LDLRAP1: variants seen among roughly 807,000 people sequenced by gnomAD.
LDLRAP1 encodes low density lipoprotein receptor adaptor protein 1, also known as low density lipoprotein receptor adapter protein 1.
Under a neutral mutation model 37.8 loss-of-function variants are expected in LDLRAP1, and 30 were observed. That is an observed-to-expected ratio of 0.79 (90% confidence interval 0.59 to 1.08). The LOEUF (loss-of-function observed/expected upper bound fraction) is 1.08. Among genes scored for constraint, LDLRAP1 ranks in the 50% least tolerant of loss-of-function variants. The pLI is 0.00. For missense variants in LDLRAP1, 375 were observed against 401.6 expected, an observed-to-expected ratio of 0.93 and a Z score of 0.57; for synonymous variants, 156 against 169.8, an observed-to-expected ratio of 0.92 and a Z score of 0.63.
In LDLRAP1 at chr1:25,563,094, G is replaced by A; in HGVS notation, c.557G>A (p.Ser186Asn). ...KEEKEKRDKA[S>N]QEGGDVLGAR... ...GAGAAAGAGAAGAGGGACAAAGCCA[G>A]CCAAGAGGGAGGGGACGTCCTGGGG... The change falls in exon 6 of 9, where the codon AGC becomes AAC. Residue 186 changes from serine (S) to asparagine (N), a missense_variant. Ser to Asn is a conservative substitution (Grantham distance 46). Coordinates refer to ENST00000374338, the MANE Select transcript of LDLRAP1 (RefSeq NM_015627.3). 1 of 1,614,128 alleles carries A rather than the reference G, an allele frequency of 6.2e-7. No homozygotes were observed. Among genetic ancestry groups the A allele is most frequent in the Non-Finnish European group, 8.5e-7 (1 of 1,180,014 alleles).
In LDLRAP1 at chr1:25,562,681, A is replaced by C. The variant is rs377680535; in HGVS notation, c.497A>C (p.Lys166Thr). The change falls in exon 5 of 9, where the codon AAA (lysine) becomes ACA (threonine). Residue 166 changes from lysine to threonine, a missense_variant. Physicochemically the swap from Lys to Thr is moderately conservative, Grantham distance 78 (BLOSUM62 -1). Coordinates refer to ENST00000374338, the MANE Select transcript of LDLRAP1 (RefSeq NM_015627.3). ...AVTLTVAQAF[K>T]VAFEFWQVSK... ...ACCCTCACCGTAGCCCAGGCCTTCA[A>C]AGTCGCCTTTGAGTTTTGGCAGGTG... 1 of 1,614,160 alleles carries C rather than the reference A, an allele frequency of 6.2e-7. No individual in the cohort carries two copies. The highest frequency in any genetic ancestry group is 8.5e-7 in the Non-Finnish European group (1 of 1,180,010).
chr1:25,544,890 A>G lies in LDLRAP1; in HGVS notation c.88+1104A>G, dbSNP rs2043895905. Among the ~76,000 whole-genome samples, 1 of 152,316 alleles carries G rather than the reference A, an allele frequency of 6.6e-6. No homozygotes were observed. Among genetic ancestry groups the G allele is most frequent in the East Asian group, 1.9e-4 (1 of 5,172 alleles). On this transcript the variant is annotated intron_variant, in intron 1 of 8. Coordinates refer to ENST00000374338, the MANE Select transcript of LDLRAP1 (RefSeq NM_015627.3). This position sits in a 1 kb window ranked among gnomAD's most constrained non-coding sequence, Gnocchi z 4.8. ...CCTCTTGGCCTTACAGGGCTCTGCC[A>G]GGGGAGCCCGAGCTCCCTGGTCCAA...
chr1:25,576,187 G>A, the LDLRAP1 span, among the ~76,000 whole-genome samples: 4 of 152,082 alleles, frequency 2.6e-5, no homozygotes, highest in East Asian at 1.9e-4. Context: ...AGCCAAGATC[G>A]TGCCACTGCA....
In LDLRAP1 at chr1:25,557,107, C is replaced by T. The variant is rs767263209; in HGVS notation, c.345-46C>T. On this transcript the variant is annotated intron_variant, in intron 3 of 8. Coordinates refer to ENST00000374338, the MANE Select transcript of LDLRAP1 (RefSeq NM_015627.3). The stretch of plus-strand genomic sequence containing the variant: ...CCCTGCAGGGCTTCCCACATGTGCT[C>T]AGGCCCCTGTGCCAGGTCTGGTGAT... The T allele has an allele frequency of 1.5e-5, 22 of 1,426,854 alleles. No individual in the cohort carries two copies. In the Admixed American group the frequency reaches 2.2e-4, roughly 14 times the overall value. The allele number at this position is 1,426,854 out of a possible 1,614,324, so 88.4% of individuals were successfully genotyped here. A position where few individuals can be genotyped will look rare whatever the true frequency, so the allele number is the denominator to read the frequency against.
At position 25,567,241 on chromosome 1, in the gene LDLRAP1, C is replaced by T; in HGVS notation, c.*249C>T. Reference sequence around the variant, plus strand: ...TTCTGGCTTATGCTCAGAAGCCAGTCTGCGTCAGGCACGTCTCCTGCTGCG... The same window carrying T: ...TTCTGGCTTATGCTCAGAAGCCAGTTTGCGTCAGGCACGTCTCCTGCTGCG... On this transcript the variant is annotated 3_prime_UTR_variant, in exon 9 of 9. Transcript: ENST00000374338. The T allele has an allele frequency of 1.8e-6, 1 of 561,248 alleles. No individual in the cohort carries two copies. The highest frequency in any genetic ancestry group is 3.2e-6 in the Non-Finnish European group (1 of 310,204). The allele number at this position is 561,248 out of a possible 1,614,324, so 34.8% of individuals were successfully genotyped here. A position where few individuals can be genotyped will look rare whatever the true frequency, so the allele number is the denominator to read the frequency against.
the LDLRAP1 span, chr1:25,590,227 C>T: frequency 1.3e-5 from 2 of 152,360 alleles, no homozygotes; most frequent in African/African-American, 4.8e-5. Flanking sequence ...GGAAGAGTCT[C>T]GAAGAATCCT....
downstream of LDLRAP1, among the ~76,000 whole-genome samples, chr1:25,569,713 G>A (rs1333297678): frequency 6.6e-6 from 1 of 152,246 alleles, no homozygotes; most frequent in Non-Finnish European, 1.5e-5. Flanking sequence ...CTTACTATGT[G>A]CCGGGTGTTG....
At chr1:25,565,131 C>T (rs2044442424) in intron 7 of LDLRAP1, 42 bp from the exon 8 acceptor site, 1 of 1,609,298 alleles carries the variant, frequency 6.2e-7, no homozygotes, top group African/African-American at 1.3e-5. Flanking sequence ...AGCATGGGCT[C>T]CCCCAAACAT....
chr1:25,546,301 C>T (rs745504738), intron 1 of LDLRAP1, among the ~76,000 whole-genome samples: 4 of 152,202 alleles, frequency 2.6e-5, no homozygotes, highest in Non-Finnish European at 4.4e-5. Flanking sequence ...ACCTGCTCCT[C>T]CTCCTCAAGG....
chr1:25,564,995 G>T, intron 7 of LDLRAP1, 178 bp from the exon 8 acceptor site: 1 of 684,026 alleles, frequency 1.5e-6, no homozygotes, highest in East Asian at 2.6e-5. Flanking sequence ...TTGGGTCCTT[G>T]GGCTGAGATG....
chr1:25,548,297 C>G (rs914633626), intron 1 of LDLRAP1, among the ~76,000 whole-genome samples: 1 of 146,604 alleles, frequency 6.8e-6, no homozygotes, highest in Non-Finnish European at 1.5e-5. Flanking sequence ...CGGGTGTGAA[C>G]TCAGTTCATC....
In LDLRAP1 at chr1:25,562,662, A is replaced by T; in HGVS notation, c.478A>T (p.Thr160Ser). The T allele has an allele frequency of 6.2e-7, 1 of 1,613,964 alleles. No individual in the cohort carries two copies. The change falls in exon 5 of 9, where the codon ACC becomes TCC. Residue 160 changes from threonine (T) to serine (S), a missense_variant. Transcript: ENST00000374338. ...KRKMAQAVTL[T>S]VAQAFKVAFE... ...TTTTCAGGCACAGGCTGTTACCCTC[A>T]CCGTAGCCCAGGCCTTCAAAGTCGC...
chr1:25,579,673 A>G, the LDLRAP1 span, among the ~76,000 whole-genome samples: 1 of 152,176 alleles, frequency 6.6e-6, no homozygotes, highest in Admixed American at 6.5e-5. Flanking sequence ...CCATCTCTGA[A>G]ATCTTCGTGC....
intron 7 of LDLRAP1, chr1:25,564,105 C>T (rs556082668): frequency 5.0e-5 from 20 of 398,364 alleles, no homozygotes; most frequent in South Asian, 1.9e-4. Context: ...TGGCAGAGCT[C>T]GCTCCTACCA....
At chr1:25,574,599 G>T in the LDLRAP1 span, among the ~76,000 whole-genome samples, 5 of 152,082 alleles carry the variant, frequency 3.3e-5, no homozygotes, top group Non-Finnish European at 7.3e-5. Flanking sequence ...GCCTCTGGCA[G>T]TAGCCTGAGT....
chr1:25,557,522 G>C (rs2044236393), intron 4 of LDLRAP1: 1 of 558,176 alleles, frequency 1.8e-6, no homozygotes, highest in Non-Finnish European at 3.2e-6. Flanking sequence ...GTCTGGGCCT[G>C]TTCTCTCTGT....
At position 25,555,154 on chromosome 1, in the gene LDLRAP1, C is replaced by T. The variant is rs2044170504; in HGVS notation, c.344+182C>T. Among the ~76,000 whole-genome samples the T allele has an allele frequency of 6.6e-6, 1 of 152,196 alleles. No homozygotes were observed. Among genetic ancestry groups the T allele is most frequent in the Admixed American group, 6.5e-5 (1 of 15,286 alleles). On this transcript the variant is annotated intron_variant, in intron 3 of 8. Transcript: ENST00000374338. The surrounding 1 kb of genome is among the most constrained non-coding windows in gnomAD (Gnocchi z 4.7). ...CAGCGCTGTTAGGAAACGTGGAGTG[C>T]ACGGCACCTGGCTCATGATGAGCAT...
At position 25,557,330 on chromosome 1, in the gene LDLRAP1, G is replaced by A. The variant is rs1490814793; in HGVS notation, c.459+63G>A. ...GGCCTTGGCAGCCTTGCTCTGGGTG[G>A]GGGGCTGTCTGGTGTGGGAGGCAGG... On this transcript the variant is annotated intron_variant, in intron 4 of 8. Transcript: ENST00000374338. 13 of 1,322,594 alleles carry A rather than the reference G, an allele frequency of 9.8e-6. No homozygotes were observed. The East Asian group carries it at 1.9e-4, about 19-fold the overall frequency. The allele number at this position is 1,322,594 out of a possible 1,614,324, so 81.9% of individuals were successfully genotyped here.
intron 5 of LDLRAP1, 141 bp downstream of exon 5, chr1:25,562,857 C>A: frequency 1.2e-6 from 1 of 838,200 alleles, no homozygotes; most frequent in South Asian, 1.4e-5. Flanking sequence ...CGCTCAGAGT[C>A]TCGGTTTTCC....
Sources: gnomAD v4.1 joint callset for allele counts (sites outside exome capture counted in the v4.1 genomes callset) on GRCh38, gnomAD v4.1.1 for gene constraint, Gnocchi (gnomAD v3.1) non-coding constraint, MANE v1.5 for transcripts, NCBI Gene and HGNC (gene_info 2026-07-23, HGNC 2026-07-21) for gene names.